DARS2: variants seen among roughly 807,000 people sequenced by gnomAD.
DARS2 encodes aspartate--tRNA ligase, mitochondrial.
A neutral mutation model predicts 83.0 loss-of-function variants in DARS2; 63 were observed. The observed-to-expected ratio is 0.76, with a 90% CI of 0.62 to 0.94. DARS2 has a LOEUF of 0.94. Among genes scored for constraint, DARS2 ranks in the 40% least tolerant of loss-of-function variants. The probability of loss-of-function intolerance (pLI) is 0.00; values close to 1 mark genes in which losing one functional copy is unlikely to be tolerated. For synonymous variants in DARS2, 250 were observed against 269.3 expected, an observed-to-expected ratio of 0.93 and a Z score of 0.70; for missense variants, 675 against 774.4, an observed-to-expected ratio of 0.87 and a Z score of 1.52.
chr1:173,839,765 A>C (rs1292763406), intron 10 of DARS2, among the ~76,000 whole-genome samples: 2 of 152,176 alleles, frequency 1.3e-5, no homozygotes, highest in African/African-American at 4.8e-5. Flanking sequence ...CAAGAGCGAG[A>C]TTCTTGCTAT....
rs773171697 is a variant in DARS2 at position 173,845,281 on chromosome 1, A to C, written c.1181A>C (p.His394Pro). The change falls in exon 12 of 17, where the codon CAT becomes CCT. Residue 394 changes from histidine to proline, a missense_variant. His to Pro is a moderately conservative substitution (Grantham distance 77). Coordinates refer to ENST00000649689, the MANE Select transcript of DARS2 (RefSeq NM_018122.5). Reference protein sequence around the residue: ...IESIRNFAADHFNQEILPVFL... With the variant: ...IESIRNFAADPFNQEILPVFL... ...TCCATTAGAAACTTTGCAGCTGACC[A>C]TTTTAATCAGGTAAGGAGTTAATTA... 3 of 1,610,278 alleles carry C rather than the reference A, an allele frequency of 1.9e-6. No individual in the cohort carries two copies. The highest frequency in any genetic ancestry group is 1.7e-5 in the Admixed American group (1 of 59,998).
At chr1:173,828,857 T>C (rs1323621781) in intron 3 of DARS2, among the ~76,000 whole-genome samples, 2 of 152,304 alleles carry the variant, frequency 1.3e-5, no homozygotes, top group Non-Finnish European at 2.9e-5. Flanking sequence ...ATTTCACTTC[T>C]GGTAAATTAT....
chr1:173,827,558 A>C (rs1557853366), intron 2 of DARS2, among the ~76,000 whole-genome samples: 1 of 152,020 alleles, frequency 6.6e-6, no homozygotes, highest in Non-Finnish European at 1.5e-5. Context: ...TTGAACCCAG[A>C]AGGCAGAGGT....
chr1:173,852,206 G>C (rs1653698164), intron 13 of DARS2: 8 of 985,410 alleles, frequency 8.1e-6, no homozygotes, highest in Non-Finnish European at 9.6e-6. Context: ...CATGTCTCTA[G>C]GCATATGTCA....
At chr1:173,837,989 G>A (rs1653067352) in intron 8 of DARS2, among the ~76,000 whole-genome samples, 1 of 152,136 alleles carries the variant, frequency 6.6e-6, no homozygotes, top group South Asian at 2.1e-4. Flanking sequence ...TGGCCAGGCT[G>A]GTCTTGAACG....
At chr1:173,825,414 C>T in intron 1 of DARS2, 58 bp downstream of exon 1, 2 of 1,544,230 alleles carry the variant, frequency 1.3e-6, no homozygotes, top group Non-Finnish European at 1.8e-6. Context: ...TATCTACGGC[C>T]GGAGAGCTTT....
chr1:173,847,227 T>TC (rs1653470088), intron 12 of DARS2, among the ~76,000 whole-genome samples: 1 of 152,194 alleles, frequency 6.6e-6, no homozygotes, highest in Non-Finnish European at 1.5e-5. Flanking sequence ...ATCCTTTTTT[T>TC]CTCTGTCGGC....
intron 3 of DARS2, among the ~76,000 whole-genome samples, chr1:173,828,760 CT>C (rs1403741625): frequency 6.6e-6 from 1 of 152,004 alleles, no homozygotes; most frequent in Non-Finnish European, 1.5e-5. Flanking sequence ...TGCTCAATAC[CT>C]GGAGGGAGTA....
At chr1:173,840,465 C>T (rs994828309) in intron 10 of DARS2, among the ~76,000 whole-genome samples, 2 of 152,210 alleles carry the variant, frequency 1.3e-5, no homozygotes, top group South Asian at 4.1e-4. Flanking sequence ...CTCCTGACCT[C>T]AGGTGATCTG....
chr1:173,828,445 A>C, intron 3 of DARS2, 46 bp downstream of exon 3: 1 of 1,534,224 alleles, frequency 6.5e-7, no homozygotes, highest in Non-Finnish European at 9.0e-7. Flanking sequence ...CTTTGATGCT[A>C]TTGCTGGGGT....
chr1:173,853,763 T>C (rs1193002389), intron 14 of DARS2, 32 bp from the exon 15 acceptor site: 2 of 1,596,410 alleles, frequency 1.3e-6, no homozygotes, highest in Admixed American at 1.7e-5. Context: ...CCAGACATTT[T>C]CTCTAACATA....
Position 173,828,354 on chromosome 1 carries a change from AAG to A in DARS2, c.253_254del (p.Asp85PhefsTer13), listed in dbSNP as rs748756573. On this transcript the variant is annotated frameshift_variant, in exon 3 of 17. Coordinates refer to ENST00000649689, the MANE Select transcript of DARS2 (RefSeq NM_018122.5). LOFTEE classifies it high-confidence loss of function. ...TCAGGCAAAACACATTCTTGGTCCT[AAG>A]AGATTTCGATGGGCTTGTTCAAGTT... is the stretch of plus-strand genomic sequence containing the variant. ...YRRQNTFLVL[R>X]DFDGLVQVII... The A allele has an allele frequency of 7.2e-7, 1 of 1,385,522 alleles. No individual in the cohort carries two copies. The highest frequency in any genetic ancestry group is 1.9e-5 in the Admixed American group (1 of 53,948). The allele number at this position is 1,385,522 out of a possible 1,614,324, so 85.8% of individuals were successfully genotyped here. A position where few individuals can be genotyped will look rare whatever the true frequency, so the allele number is the denominator to read the frequency against.
In DARS2 at chr1:173,842,284, CTTTTTTTTTTTTTTTT is replaced by C. The variant is rs1178547914; in HGVS notation, c.1128+1329_1128+1344del. On this transcript the variant is annotated intron_variant, in intron 11 of 16. Transcript: ENST00000649689. ...CTCAGGAACTCAGTCTCATTACTTT[CTTTTTTTTTTTTTTTT>C]TTTTTTTTTTTTTTTTTAGAGTGAG... 3.6e-4 allele frequency among the ~76,000 whole-genome samples: 23 copies of C among 64,256 alleles called. 1 individual carries two copies. Among genetic ancestry groups the C allele is most frequent in the African/African-American group, 1.1e-3 (17 of 14,980 alleles). The allele number at this position is 64,256 out of a possible 152,430, so 42.2% of individuals were successfully genotyped here. A position where few individuals can be genotyped will look rare whatever the true frequency, so the allele number is the denominator to read the frequency against.
At chr1:173,834,753 T>C (rs1343009559) in intron 7 of DARS2, among the ~76,000 whole-genome samples, 1 of 135,642 alleles carries the variant, frequency 7.4e-6, no homozygotes, top group Non-Finnish European at 1.6e-5. Flanking sequence ...TTTTTTTTTT[T>C]TTTTGGTTTG....
At chr1:173,833,289 AT>A in intron 5 of DARS2, 86 bp from the exon 6 acceptor site, 1 of 1,276,302 alleles carries the variant, frequency 7.8e-7, no homozygotes, top group Non-Finnish European at 1.1e-6. Flanking sequence ...CAGAGCTAAA[AT>A]TTTTGAAAAT....
chr1:173,837,743 G>A (rs1397858071), intron 8 of DARS2, among the ~76,000 whole-genome samples: 5 of 151,864 alleles, frequency 3.3e-5, no homozygotes, highest in East Asian at 3.9e-4. Context: ...TGTCTAATTC[G>A]ATTAAAGCAT....
intron 7 of DARS2, among the ~76,000 whole-genome samples, chr1:173,835,495 A>C (rs1652970498): frequency 6.6e-6 from 1 of 151,514 alleles, no homozygotes; most frequent in Non-Finnish European, 1.5e-5. Context: ...ACTTGATCCC[A>C]GGAGTTCAAG....
rs548127038 is a variant in DARS2, at chr1:173,850,593, C to T, written c.1344+114C>T. 1.9e-5 allele frequency: 21 copies of T among 1,123,752 alleles called. No homozygotes were observed. In the East Asian group the frequency reaches 5.1e-4, roughly 27 times the overall value. The allele number at this position is 1,123,752 out of a possible 1,614,324, so 69.6% of individuals were successfully genotyped here. ...ACTGTTAATTCATAAAATGGAGCTG[C>T]TCTGCATAAATCTTTTTTTTTTTTT... On this transcript the variant is annotated intron_variant, in intron 13 of 16. Coordinates refer to ENST00000649689, the MANE Select transcript of DARS2 (RefSeq NM_018122.5).
At chr1:173,834,782 G>GTGTTTTTTTTTTTTT (rs1652939996) in intron 7 of DARS2, among the ~76,000 whole-genome samples, 1 of 26,754 alleles carries the variant, frequency 3.7e-5, no homozygotes, top group African/African-American at 1.6e-4. Flanking sequence ...TTTTTTTTTT[G>GTGTTTTTTTTTTTTT]TTTTTTTTTT....
Sources: gnomAD v4.1 joint callset for allele counts (sites outside exome capture counted in the v4.1 genomes callset) on GRCh38, gnomAD v4.1.1 for gene constraint, MANE v1.5 for transcripts, NCBI Gene and HGNC (gene_info 2026-07-23, HGNC 2026-07-21) for gene names.